CAAP1: variants seen among roughly 807,000 people sequenced by gnomAD.
The protein encoded by CAAP1 is conserved anti-apoptotic protein.
CAAP1 carries 20 observed loss-of-function variants against 34.0 expected under a neutral mutation model. The ratio of observed to expected loss-of-function variants is 0.59; its 90% CI spans 0.41 to 0.86. The LOEUF (loss-of-function observed/expected upper bound fraction) is 0.86, where lower values mean the gene tolerates loss of function less well. Among genes scored for constraint, CAAP1 ranks in the 40% least tolerant of loss-of-function variants. The pLI is 0.00. For synonymous variants in CAAP1, 213 were observed against 166.7 expected (o/e 1.28, Z -2.14); for missense variants, 538 against 450.5 (o/e 1.19, Z -1.76).
At chr9:26,845,393 C>T (rs757264079) in intron 5 of CAAP1, among the ~76,000 whole-genome samples, 4 of 152,110 alleles carry the variant, frequency 2.6e-5, no homozygotes, top group Non-Finnish European at 5.9e-5. Flanking sequence ...CCCAGCACTG[C>T]TGAATATTTG....
chr9:26,851,944 C>G (rs1822761710), intron 5 of CAAP1, among the ~76,000 whole-genome samples: 1 of 152,108 alleles, frequency 6.6e-6, no homozygotes, highest in African/African-American at 2.4e-5. Flanking sequence ...TCATAAACTA[C>G]CATGTTTCCT....
intron 5 of CAAP1, among the ~76,000 whole-genome samples, chr9:26,844,874 G>A (rs917116543): frequency 5.3e-5 from 8 of 152,076 alleles, no homozygotes; most frequent in African/African-American, 1.7e-4. Flanking sequence ...CTATTTCACA[G>A]GATGTGTCTT....
chr9:26,845,998 T>C (rs1409103245), intron 5 of CAAP1, among the ~76,000 whole-genome samples: 3 of 152,200 alleles, frequency 2.0e-5, no homozygotes, highest in African/African-American at 7.2e-5. Context: ...CTTGGATATA[T>C]GGCCGTGAAA....
chr9:26,847,921 G>A lies in CAAP1; in HGVS notation c.740-5274C>T, dbSNP rs549612167. Among the ~76,000 whole-genome samples, 148 of 152,128 alleles carry A rather than the reference G, an allele frequency of 9.7e-4. 1 individual carries two copies. Among genetic ancestry groups the A allele is most frequent in the South Asian group, 2.1e-3 (10 of 4,818 alleles). Reference sequence around the variant, plus strand: ...CACTTCAGTGGGTTCTTGGTAGGGAGGGGAAGTAGATACGTATGTTCAATT... The same window carrying A: ...CACTTCAGTGGGTTCTTGGTAGGGAAGGGAAGTAGATACGTATGTTCAATT... On this transcript the variant is annotated intron_variant, in intron 5 of 5. Coordinates refer to ENST00000333916, the MANE Select transcript of CAAP1 (RefSeq NM_024828.4).
At chr9:26,858,846 A>G (rs1426583825) in intron 5 of CAAP1, among the ~76,000 whole-genome samples, 1 of 150,402 alleles carries the variant, frequency 6.6e-6, no homozygotes, top group African/African-American at 2.4e-5. Flanking sequence ...AAAGAAAAAG[A>G]AATTAGCTAG....
In CAAP1 at chr9:26,856,710, A is replaced by G. The variant is rs536767510; in HGVS notation, c.739+4356T>C. On this transcript the variant is annotated intron_variant, in intron 5 of 5. Transcript: ENST00000333916. ...ATTTTGTCTAATGATAATGCTATCT[A>G]TTGGTTCTATTTTTTTTCTCCAAGG... Among the ~76,000 whole-genome samples the G allele has an allele frequency of 3.6e-3, 546 of 152,302 alleles. 4 individuals carry two copies. The highest frequency in any genetic ancestry group is 5.1e-3 in the Non-Finnish European group (349 of 67,996).
chr9:26,890,774 T>C (rs1006294211), intron 1 of CAAP1, among the ~76,000 whole-genome samples: 2 of 151,966 alleles, frequency 1.3e-5, no homozygotes, highest in Non-Finnish European at 2.9e-5. Flanking sequence ...TGAAACCCCG[T>C]CTCTACTGAA....
chr9:26,853,369 T>C (rs1822799349), intron 5 of CAAP1, among the ~76,000 whole-genome samples: 1 of 152,202 alleles, frequency 6.6e-6, no homozygotes. Context: ...ATCTAGAATT[T>C]ATTCAGGCAC....
Position 26,842,511 on chromosome 9 carries a change from A to T in CAAP1, c.876T>A (p.Asp292Glu). 1 of 1,614,172 alleles carries T rather than the reference A, an allele frequency of 6.2e-7. No individual in the cohort carries two copies. The highest frequency in any genetic ancestry group is 8.5e-7 in the Non-Finnish European group (1 of 1,180,038). ...NTVQSEAGQI[D>E]DLEKDIEKSV... The stretch of plus-strand genomic sequence containing the variant: ...TTTTCTCAATGTCTTTCTCCAGGTC[A>T]TCTATCTGACCAGCTTCACTTTGGA... Residue 292 changes from aspartate (D) to glutamate (E), a missense_variant, in exon 6 of 6, where the codon GAT (aspartate) becomes GAA (glutamate). Transcript: ENST00000333916.
intron 4 of CAAP1, among the ~76,000 whole-genome samples, chr9:26,870,757 T>C (rs1215728924): frequency 6.6e-6 from 1 of 151,602 alleles, no homozygotes; most frequent in African/African-American, 2.4e-5. Flanking sequence ...GACGGGAATA[T>C]AGGCATGCGC....
At chr9:26,869,575 T>C (rs76728296) in intron 4 of CAAP1, among the ~76,000 whole-genome samples, 1 of 152,206 alleles carries the variant, frequency 6.6e-6, no homozygotes, top group South Asian at 2.1e-4. Flanking sequence ...CTACAGCTAA[T>C]TGAGTACAAC....
chr9:26,874,788 A>T (rs923484331), intron 4 of CAAP1, among the ~76,000 whole-genome samples: 8 of 152,178 alleles, frequency 5.3e-5, no homozygotes, highest in Admixed American at 6.5e-5. Flanking sequence ...GTATGGTAAG[A>T]GTAGGGAAAT....
Position 26,878,652 on chromosome 9 carries a change from C to T in CAAP1, c.665+6158G>A, listed in dbSNP as rs375564414. ...CACACAGTTCTCAGACCTCAGTAAA[C>T]CAAGTTCCACCACTTTGGCCAGGCA... On this transcript the variant is annotated intron_variant, in intron 4 of 5. Transcript: ENST00000333916. Among the ~76,000 whole-genome samples, 5 of 152,112 alleles carry T rather than the reference C, an allele frequency of 3.3e-5. No homozygotes were observed. In the South Asian group the frequency reaches 8.3e-4, roughly 25 times the overall value.
At chr9:26,854,197 A>G (rs1160012710) in intron 5 of CAAP1, among the ~76,000 whole-genome samples, 2 of 152,246 alleles carry the variant, frequency 1.3e-5, no homozygotes, top group African/African-American at 4.8e-5. Context: ...ATATCTACTA[A>G]GCACTGCTCT....
chr9:26,852,035 G>A (rs1822765415), intron 5 of CAAP1, among the ~76,000 whole-genome samples: 1 of 152,038 alleles, frequency 6.6e-6, no homozygotes, highest in Non-Finnish European at 1.5e-5. Flanking sequence ...TTTAGATAAT[G>A]TAAAATTATT....
At chr9:26,857,369 C>T (rs757709047) in intron 5 of CAAP1, among the ~76,000 whole-genome samples, 8 of 152,224 alleles carry the variant, frequency 5.3e-5, no homozygotes, top group African/African-American at 1.7e-4. Context: ...TGGTGGCTCA[C>T]GCCTGTAATC....
intron 4 of CAAP1, among the ~76,000 whole-genome samples, chr9:26,874,194 G>T (rs1015324012): frequency 2.7e-5 from 3 of 113,134 alleles, no homozygotes; most frequent in Admixed American, 1.1e-4. Flanking sequence ...GCAACAAAGT[G>T]AGACTCTGTC....
chr9:26,867,489 T>A (rs1006177663), intron 4 of CAAP1, among the ~76,000 whole-genome samples: 1 of 152,178 alleles, frequency 6.6e-6, no homozygotes, highest in Non-Finnish European at 1.5e-5. Context: ...CTATAAAAAC[T>A]AACATTCACA....
intron 5 of CAAP1, among the ~76,000 whole-genome samples, chr9:26,857,574 G>T (rs770597023): frequency 2.6e-5 from 4 of 152,194 alleles, no homozygotes; most frequent in Non-Finnish European, 4.4e-5. Context: ...GGAGGTTACA[G>T]TGAGCTGAAA....
Sources: allele counts gnomAD v4.1 joint callset (sites outside exome capture counted in the v4.1 genomes callset), GRCh38; gene constraint gnomAD v4.1.1; transcripts MANE v1.5; gene names NCBI Gene and HGNC (gene_info 2026-07-23, HGNC 2026-07-21).